The following KCNIP1 variants were observed in gnomAD, a reference collection of about 807,000 sequenced individuals.
KCNIP1 encodes A-type potassium channel modulatory protein KCNIP1.
KCNIP1 carries 18 observed loss-of-function variants against 33.0 expected under a neutral mutation model. That is an observed-to-expected ratio of 0.55 (90% CI 0.38 to 0.81). The LOEUF (loss-of-function observed/expected upper bound fraction) is 0.81, where lower values mean the gene tolerates loss of function less well. KCNIP1 is among the 30% of genes least tolerant of loss of function. KCNIP1 has a pLI of 0.00. For missense variants in KCNIP1, 238 were observed against 271.6 expected (o/e 0.88, Z 0.87); for synonymous variants, 93 against 98.3 (o/e 0.95, Z 0.32).
chr5:170,367,415 AAGAAAG>A (rs1763714309), intron 1 of KCNIP1, among the ~76,000 whole-genome samples: 1 of 118,048 alleles, frequency 8.5e-6, no homozygotes. Context: ...GAAAGAAAGA[AAGAAAG>A]GAAAGAAAGA....
chr5:170,628,334 T>A (rs1253880329), intron 1 of KCNIP1, among the ~76,000 whole-genome samples: 1 of 152,114 alleles, frequency 6.6e-6, no homozygotes, highest in African/African-American at 2.4e-5. Context: ...AATCATGGCA[T>A]CTCATCCTCA....
chr5:170,637,730 C>T lies in KCNIP1; in HGVS notation c.62-81028C>T, dbSNP rs901396304. On this transcript the variant is annotated intron_variant, in intron 1 of 7. Coordinates refer to ENST00000328939, the MANE Select transcript of KCNIP1 (RefSeq NM_014592.4). The stretch of plus-strand genomic sequence containing the variant: ...TCTCCTCTCCTTCCCTGCCCTCCTG[C>T]TCCTCCTGTTCGCGCTACATAACAG... Among the ~76,000 whole-genome samples the T allele has an allele frequency of 2.6e-5, 4 of 152,288 alleles. No homozygotes were observed. In the East Asian group the frequency reaches 7.7e-4, roughly 29 times the overall value.
chr5:170,501,142 GCT>G (rs899847528), upstream of KCNIP1, among the ~76,000 whole-genome samples: 2 of 152,196 alleles, frequency 1.3e-5, no homozygotes, highest in African/African-American at 4.8e-5. Context: ...AGTAAGGAGT[GCT>G]CTGATAAGAA....
chr5:170,553,090 G>C (rs975540517), intron 1 of KCNIP1, among the ~76,000 whole-genome samples: 13 of 152,198 alleles, frequency 8.5e-5, no homozygotes, highest in Non-Finnish European at 1.8e-4. Context: ...GAGAGGAGGG[G>C]AAAATCGTAA....
At chr5:170,458,821 C>A (rs1362969377) in intron 1 of KCNIP1, among the ~76,000 whole-genome samples, 1 of 151,984 alleles carries the variant, frequency 6.6e-6, no homozygotes, top group Non-Finnish European at 1.5e-5. Context: ...GGTATACGGA[C>A]AACAAATAGC....
rs150625255 is a variant in KCNIP1 at position 170,673,177 on chromosome 5, C to T, written c.62-45581C>T. Among the ~76,000 whole-genome samples the T allele has an allele frequency of 4.2e-3, 640 of 152,360 alleles. 2 individuals are homozygous for T. The highest frequency in any genetic ancestry group is 7.2e-3 in the Non-Finnish European group (487 of 68,026). The stretch of plus-strand genomic sequence containing the variant: ...TTCATATGTGCTGTCCCCGCCCAAC[C>T]CCGATTAGTCTAAACTGGTGAGATG... On this transcript the variant is annotated intron_variant, in intron 1 of 7. Transcript: ENST00000328939.
intron 1 of KCNIP1, among the ~76,000 whole-genome samples, chr5:170,599,393 T>G (rs913290309): frequency 1.3e-5 from 2 of 152,136 alleles, no homozygotes; most frequent in African/African-American, 4.8e-5. Flanking sequence ...AATGTCATGA[T>G]GGCATCTGAT....
chr5:170,436,684 CCT>C (rs756761751), intron 1 of KCNIP1, among the ~76,000 whole-genome samples: 40 of 152,282 alleles, frequency 2.6e-4, no homozygotes, highest in Admixed American at 3.9e-4. Context: ...TGTGTGTTCC[CCT>C]GTTTTCTGCT....
chr5:170,718,717 C>T (rs759378796), intron 1 of KCNIP1, 41 bp from the exon 2 acceptor site: 3 of 1,612,036 alleles, frequency 1.9e-6, no homozygotes, highest in South Asian at 2.2e-5. Context: ...AAGAATGACT[C>T]CCAAGCTCAA....
chr5:170,712,200 G>C lies in KCNIP1; in HGVS notation c.62-6558G>C, dbSNP rs973811196. ...TTCTGCATAATGGGGGACTTGGCCGGCATCCACTCTGCCACACATCCTAAT... is the reference window on the plus strand; with the variant it reads ...TTCTGCATAATGGGGGACTTGGCCGCCATCCACTCTGCCACACATCCTAAT... On this transcript the variant is annotated intron_variant, in intron 1 of 7. Coordinates refer to ENST00000328939, the MANE Select transcript of KCNIP1 (RefSeq NM_014592.4). Among the ~76,000 whole-genome samples the C allele has an allele frequency of 2.9e-4, 44 of 152,148 alleles. 1 individual carries two copies. Among genetic ancestry groups the C allele is most frequent in the African/African-American group, 1.1e-3 (44 of 41,422 alleles).
intron 1 of KCNIP1, among the ~76,000 whole-genome samples, chr5:170,682,842 T>A (rs1299408490): frequency 7.4e-6 from 1 of 135,652 alleles, no homozygotes; most frequent in Non-Finnish European, 1.5e-5. Context: ...TTGGCCAGGC[T>A]GGTCTCAAAC....
intron 1 of KCNIP1, among the ~76,000 whole-genome samples, chr5:170,443,873 A>G (rs1001200324): frequency 6.6e-6 from 1 of 152,190 alleles, no homozygotes; most frequent in African/African-American, 2.4e-5. Context: ...AAGTGGAAGG[A>G]AGAGAAAGGG....
chr5:170,598,904 C>CGCGTGTGTGTGTGTGTGT (rs1412098474), intron 1 of KCNIP1, among the ~76,000 whole-genome samples: 1 of 133,776 alleles, frequency 7.5e-6, no homozygotes, highest in African/African-American at 2.9e-5. Context: ...TGTGTGTGCG[C>CGCGTGTGTGTGTGTGTGT]GTGTGTGTGT....
intron 1 of KCNIP1, among the ~76,000 whole-genome samples, chr5:170,546,554 G>A (rs564189772): frequency 1.2e-4 from 18 of 152,242 alleles, no homozygotes; most frequent in African/African-American, 2.2e-4. Context: ...CTCAACCCAC[G>A]TCCAGAATCA....
Position 170,390,513 on chromosome 5 carries a change from A to ATAT in KCNIP1, c.88+36549_88+36550insTAT, listed in dbSNP as rs1554088932. ...GCGAGACCCCGTCTCAAAAAAAAAA[A>ATAT]ACAAATATATATATATATATATATA... On this transcript the variant is annotated intron_variant, in intron 1 of 7. Coordinates refer to the KCNIP1 transcript ENST00000377360. 4.7e-3 allele frequency among the ~76,000 whole-genome samples: 135 copies of ATAT among 28,768 alleles called. 6 individuals are homozygous for ATAT. The Middle Eastern group carries it at 0.064, about 14-fold the overall frequency. 18.9% of individuals were successfully genotyped at this position (28,768 alleles called of 152,430 possible).
At chr5:170,683,154 C>G (rs1269515809) in intron 1 of KCNIP1, among the ~76,000 whole-genome samples, 4 of 152,116 alleles carry the variant, frequency 2.6e-5, no homozygotes, top group Admixed American at 2.6e-4. Context: ...TCTGGAAACT[C>G]TAGGTGAAGA....
intron 1 of KCNIP1, among the ~76,000 whole-genome samples, chr5:170,486,735 G>T: frequency 6.6e-6 from 1 of 152,142 alleles, no homozygotes. Flanking sequence ...TTGCTATCCT[G>T]CAGGCAAGAG....
At chr5:170,425,618 A>G (rs1284439432) in intron 1 of KCNIP1, among the ~76,000 whole-genome samples, 1 of 152,146 alleles carries the variant, frequency 6.6e-6, no homozygotes, top group Non-Finnish European at 1.5e-5. Context: ...AGCTTCTGAC[A>G]CCCCATTTTG....
At chr5:170,379,952 A>C (rs1013913536) in intron 1 of KCNIP1, among the ~76,000 whole-genome samples, 1 of 130,708 alleles carries the variant, frequency 7.7e-6, no homozygotes, top group Non-Finnish European at 1.6e-5. Context: ...ATCCCATTTC[A>C]AAAAAAAAAA....
Sources: gnomAD v4.1 joint callset for allele counts (sites outside exome capture counted in the v4.1 genomes callset) on GRCh38, gnomAD v4.1.1 for gene constraint, MANE v1.5 for transcripts, NCBI Gene and HGNC (gene_info 2026-07-23, HGNC 2026-07-21) for gene names.